The following YTHDC2 variants were observed in gnomAD, a reference collection of about 807,000 sequenced individuals.
YTHDC2 encodes the protein YTH N6-methyladenosine RNA binding protein C2.
Under a neutral mutation model 174.9 loss-of-function variants are expected in YTHDC2, and 45 were observed. That is an observed-to-expected ratio of 0.26 (90% CI 0.20 to 0.33). The LOEUF (loss-of-function observed/expected upper bound fraction) is 0.33, where lower values mean the gene tolerates loss of function less well. Ranked by LOEUF, YTHDC2 falls within the 10% of genes least tolerant of loss-of-function variation. YTHDC2 has a pLI of 1.00. For missense variants in YTHDC2, 1,650 were observed against 1,723.7 expected (o/e 0.96, Z 0.76); for synonymous variants, 657 against 574.5 (o/e 1.14, Z -2.05).
rs34947411 is a variant in YTHDC2 at position 113,553,869 on chromosome 5, ATCT to A, written c.2052+20_2052+22del. ...TTCGAAAAATAGTAAGCTTCATAAA[ATCT>A]TCTTTTTAACACTTTCATTAGTTAT... On this transcript the variant is annotated intron_variant, in intron 15 of 29. Transcript: ENST00000161863. 339,559 of 1,592,492 alleles carry A rather than the reference ATCT, an allele frequency of 0.21. 43,716 individuals are homozygous for A. The highest frequency in any genetic ancestry group is 0.56 in the African/African-American group (41,070 of 73,082).
intron 3 of YTHDC2, among the ~76,000 whole-genome samples, chr5:113,526,103 T>C (rs1774217459): frequency 6.6e-6 from 1 of 152,062 alleles, no homozygotes; most frequent in African/African-American, 2.4e-5. Context: ...TAAACATATA[T>C]GGGATATTTT....
intron 3 of YTHDC2, among the ~76,000 whole-genome samples, chr5:113,526,101 T>C (rs1198031339): frequency 6.6e-6 from 1 of 152,068 alleles, no homozygotes; most frequent in Non-Finnish European, 1.5e-5. Context: ...ATTAAACATA[T>C]ATGGGATATT....
intron 4 of YTHDC2, 36 bp downstream of exon 4, chr5:113,526,821 AAAAAAATATAT>A (rs1290377530): frequency 1.7e-5 from 6 of 358,600 alleles, no homozygotes; most frequent in Admixed American, 1.4e-4. Flanking sequence ...GAAAAAAAAA[AAAAAAATATAT>A]ATATATATAT....
chr5:113,514,515 C>T (rs1416981343), intron 1 of YTHDC2, among the ~76,000 whole-genome samples: 1 of 152,202 alleles, frequency 6.6e-6, no homozygotes, highest in African/African-American at 2.4e-5. Context: ...CCTGAAGCAT[C>T]ACGCTACCCA....
rs1338713693 is a variant in YTHDC2 at position 113,565,052 on chromosome 5, G to A, written c.2716-841G>A. ...TGGTCTCGAACTTCTGACCTCAAGT[G>A]ATCTGCCTGCTTTGGCCTCCCAAAG... On this transcript the variant is annotated intron_variant, in intron 20 of 29. Transcript: ENST00000161863. 2.6e-5 allele frequency among the ~76,000 whole-genome samples: 4 copies of A among 152,048 alleles called. No homozygotes were observed. The East Asian group carries it at 7.7e-4, about 29-fold the overall frequency.
At chr5:113,544,748 CATG>C (rs1775740338) in intron 10 of YTHDC2, among the ~76,000 whole-genome samples, 1 of 151,340 alleles carries the variant, frequency 6.6e-6, no homozygotes, top group Admixed American at 6.6e-5. Context: ...TTTAATATAA[CATG>C]ATATCTGGTC....
At chr5:113,537,862 G>A (rs1775189226) in intron 7 of YTHDC2, among the ~76,000 whole-genome samples, 1 of 152,060 alleles carries the variant, frequency 6.6e-6, no homozygotes, top group African/African-American at 2.4e-5. Context: ...CTAATCACCT[G>A]AATCACAAAC....
intron 5 of YTHDC2, 52 bp from the exon 6 acceptor site, chr5:113,534,253 G>C (rs1023750674): frequency 1.5e-6 from 2 of 1,363,646 alleles, no homozygotes; most frequent in Non-Finnish European, 2.1e-6. Context: ...TTATATTTTA[G>C]TTACATGAAA....
rs780387406 is a variant in YTHDC2 at position 113,515,354 on chromosome 5, A to T, written c.270A>T (p.Lys90Asn). 1 of 1,611,896 alleles carries T rather than the reference A, an allele frequency of 6.2e-7. No individual in the cohort carries two copies. The highest frequency in any genetic ancestry group is 8.5e-7 in the Non-Finnish European group (1 of 1,179,438). The change falls in exon 2 of 30, where the codon AAA becomes AAT. Residue 90 changes from lysine (K) to asparagine (N), a missense_variant. By Grantham distance (94) the Lys-to-Asn change is moderately conservative. Coordinates refer to ENST00000161863, the MANE Select transcript of YTHDC2 (RefSeq NM_022828.5). ...GTCAGTCTCTTGGTTTGGTCTCTAA[A>T]AGTAAAGGGTAAGCTGGTAGCTTTT... ...RLSQSLGLVS[K>N]SKGKGANRYL...
intron 18 of YTHDC2, 78 bp downstream of exon 18, chr5:113,561,263 G>T: frequency 5.5e-6 from 6 of 1,092,318 alleles, no homozygotes; most frequent in Non-Finnish European, 6.5e-6. Context: ...TATGGATTAG[G>T]CCTTTAAAAA....
chr5:113,528,542 C>G (rs57134656), intron 4 of YTHDC2, among the ~76,000 whole-genome samples: 48 of 150,432 alleles, frequency 3.2e-4, no homozygotes, highest in African/African-American at 1.0e-3. Context: ...TTTTCTTTTG[C>G]GACAGCGCTT....
rs770011213 is a variant in YTHDC2 at position 113,563,444 on chromosome 5, T to C, written c.2394T>C (p.Pro798=). Residue 798 remains proline (P), a synonymous_variant, in exon 19 of 30, where the codon CCT becomes CCC. Coordinates refer to ENST00000161863, the MANE Select transcript of YTHDC2 (RefSeq NM_022828.5). ...TTGCTGATTTTCTTATGAAAGCTCC[T>C]GAACCTCCACCAGCTTTAATTGTAA... is the stretch of plus-strand genomic sequence containing the variant. ...CPIADFLMKA[P]EPPPALIVRN... 1.9e-5 allele frequency: 31 copies of C among 1,611,174 alleles called. No homozygotes were observed. The highest frequency in any genetic ancestry group is 2.2e-5 in the Non-Finnish European group (26 of 1,178,322).
chr5:113,591,797 A>T (rs1029332283), intron 27 of YTHDC2, among the ~76,000 whole-genome samples, 199 bp from the exon 28 acceptor site: 2 of 152,118 alleles, frequency 1.3e-5, no homozygotes, highest in Non-Finnish European at 1.5e-5. Context: ...GGAGGCTAGA[A>T]CTGTTTTTTT....
intron 23 of YTHDC2, among the ~76,000 whole-genome samples, chr5:113,577,591 A>C (rs112360538): frequency 0.2 from 30,843 of 151,944 alleles, 3,584 homozygotes; most frequent in Admixed American, 0.34. Context: ...GCTGGTCTCA[A>C]ACTTCTGTGC....
intron 18 of YTHDC2, among the ~76,000 whole-genome samples, chr5:113,561,957 G>GGGGTGTGTGTGTGTGTGTGTGTGT (rs1554099023): frequency 7.4e-6 from 1 of 134,872 alleles, no homozygotes; most frequent in Non-Finnish European, 1.6e-5. Flanking sequence ...ATTAATTGTG[G>GGGGTGTGTGTGTGTGTGTGTGTGT]GTGTGTGTGT....
intron 10 of YTHDC2, among the ~76,000 whole-genome samples, chr5:113,546,111 GTTCT>G (rs1561654934): frequency 1.3e-5 from 2 of 151,978 alleles, no homozygotes. Context: ...GTTTTCTTGC[GTTCT>G]TTCTTTTTCC....
Position 113,578,156 on chromosome 5 carries a change from C to T in YTHDC2, c.3245-1430C>T, listed in dbSNP as rs548996652. Among the ~76,000 whole-genome samples, 202 of 151,810 alleles carry T rather than the reference C, an allele frequency of 1.3e-3. 1 individual carries two copies. Among genetic ancestry groups the T allele is most frequent in the African/African-American group, 4.6e-3 (192 of 41,412 alleles). ...TAATAAAAGTGTCCCTTTTAAATAA[C>T]GGAATAGTGTTTGTGTGTGTGTATC... is the stretch of plus-strand genomic sequence containing the variant. On this transcript the variant is annotated intron_variant, in intron 23 of 29. Coordinates refer to ENST00000161863, the MANE Select transcript of YTHDC2 (RefSeq NM_022828.5).
At chr5:113,590,988 CTTGGTT>C in intron 26 of YTHDC2, 47 bp from the exon 27 acceptor site, 1 of 1,490,424 alleles carries the variant, frequency 6.7e-7, no homozygotes, top group Non-Finnish European at 9.1e-7. Context: ...AATGGAGCCT[CTTGGTT>C]TTGAAAGGTC....
chr5:113,548,858 T>A, intron 11 of YTHDC2, 97 bp from the exon 12 acceptor site: 1 of 1,242,716 alleles, frequency 8.0e-7, no homozygotes, highest in East Asian at 2.6e-5. Context: ...TATTTAAAAA[T>A]TTTTTTGAAA....
Sources: allele counts gnomAD v4.1 joint callset (sites outside exome capture counted in the v4.1 genomes callset), GRCh38; gene constraint gnomAD v4.1.1; transcripts MANE v1.5; gene names NCBI Gene and HGNC (gene_info 2026-07-23, HGNC 2026-07-21).